Variants in SLC36A1 observed in about 807,000 individuals in gnomAD.
SLC36A1 encodes the protein proton-coupled amino acid transporter 1.
A neutral mutation model predicts 47.5 loss-of-function variants in SLC36A1; 30 were observed. The ratio of observed to expected loss-of-function variants is 0.63; its 90% CI spans 0.47 to 0.86. The LOEUF (loss-of-function observed/expected upper bound fraction) is 0.86. Among genes scored for constraint, SLC36A1 ranks in the 40% least tolerant of loss-of-function variants. The probability of loss-of-function intolerance (pLI) is 0.00; values close to 1 mark genes in which losing one functional copy is unlikely to be tolerated. For synonymous variants in SLC36A1, 255 were observed against 249.7 expected (o/e 1.02, Z -0.20); for missense variants, 517 against 606.0 (o/e 0.85, Z 1.54).
chr5:151,522,085 G>A, the SLC36A1 span: 19 of 1,578,706 alleles, frequency 1.2e-5, no homozygotes, highest in Middle Eastern at 6.0e-4. Flanking sequence ...ACTGTCTGAC[G>A]CCTGTGGGCA....
the SLC36A1 span, among the ~76,000 whole-genome samples, chr5:151,365,143 G>C: frequency 6.6e-6 from 1 of 152,084 alleles, no homozygotes; most frequent in African/African-American, 2.4e-5. Context: ...GGCAAAATCA[G>C]GGCACTGTTT....
At chr5:151,478,386 G>A (rs532542079) in intron 9 of SLC36A1, among the ~76,000 whole-genome samples, 2 of 152,280 alleles carry the variant, frequency 1.3e-5, no homozygotes, top group East Asian at 3.9e-4. Context: ...CAAGGCACTG[G>A]AGTAATAAAA....
the SLC36A1 span, among the ~76,000 whole-genome samples, chr5:151,497,390 T>C: frequency 1.3e-5 from 2 of 152,198 alleles, no homozygotes; most frequent in Non-Finnish European, 2.9e-5. Flanking sequence ...GTGGATTCCA[T>C]TGATTGATTT....
At chr5:151,455,000 G>T (rs1207890443) in intron 1 of SLC36A1, among the ~76,000 whole-genome samples, 1 of 152,056 alleles carries the variant, frequency 6.6e-6, no homozygotes, top group East Asian at 1.9e-4. Flanking sequence ...TACCCCTCTT[G>T]ATCCTAGTTC....
chr5:151,514,551 C>T, the SLC36A1 span, among the ~76,000 whole-genome samples: 5,308 of 152,300 alleles, frequency 0.035, 295 homozygotes, highest in African/African-American at 0.12. Flanking sequence ...GCTTTGCTCA[C>T]GAGCCTCTCT....
At chr5:151,375,141 T>C in the SLC36A1 span, among the ~76,000 whole-genome samples, 66 of 152,360 alleles carry the variant, frequency 4.3e-4, no homozygotes, top group African/African-American at 1.4e-3. Flanking sequence ...CCTAGTCTAA[T>C]GTCCAGAAGT....
At chr5:151,408,992 C>T in the SLC36A1 span, among the ~76,000 whole-genome samples, 4 of 140,400 alleles carry the variant, frequency 2.8e-5, no homozygotes, top group African/African-American at 5.4e-5. Flanking sequence ...CTTTTCTTTT[C>T]TTTCCTCTTT....
At chr5:151,519,121 A>C in the SLC36A1 span, among the ~76,000 whole-genome samples, 1 of 152,244 alleles carries the variant, frequency 6.6e-6, no homozygotes, top group Non-Finnish European at 1.5e-5. Context: ...AGACAGGCAG[A>C]TCACCTGAGG....
At position 151,467,842 on chromosome 5, in the gene SLC36A1, C is replaced by T. The variant is rs1012561541; in HGVS notation, c.640C>T (p.Leu214Phe). Residue 214 changes from leucine (L) to phenylalanine (F), a missense_variant, in exon 7 of 11, where the codon CTC becomes TTC. Physicochemically the swap from Leu to Phe is conservative, Grantham distance 22. Transcript: ENST00000243389. ...GGTGCTGCTGGTTTTCATCAGGAAC[C>T]TCCGAGCCCTGTCCATCTTCTCCCT... ...FLVLLVFIRN[L>F]RALSIFSLLA... The T allele has an allele frequency of 6.2e-7, 1 of 1,614,026 alleles. No homozygotes were observed. Among genetic ancestry groups the T allele is most frequent in the East Asian group, 2.2e-5 (1 of 44,848 alleles).
At chr5:151,353,131 CAT>C in the SLC36A1 span, among the ~76,000 whole-genome samples, 2 of 152,208 alleles carry the variant, frequency 1.3e-5, no homozygotes, top group Non-Finnish European at 2.9e-5. Context: ...TGGATGAAAA[CAT>C]ATGTGTTGAA....
the SLC36A1 span, among the ~76,000 whole-genome samples, chr5:151,501,800 C>A: frequency 6.7e-6 from 1 of 148,220 alleles, no homozygotes. Context: ...TGCTGGACAG[C>A]TGGACAGCCA....
chr5:151,523,655 A>C, the SLC36A1 span, among the ~76,000 whole-genome samples: 1 of 152,098 alleles, frequency 6.6e-6, no homozygotes, highest in African/African-American at 2.4e-5. Context: ...CTGAGAATAC[A>C]GAGGTCAGGA....
intron 9 of SLC36A1, chr5:151,477,498 A>G (rs1323796862): frequency 1.3e-5 from 2 of 152,468 alleles, no homozygotes; most frequent in Admixed American, 1.3e-4. Flanking sequence ...TTTCCCGTTC[A>G]AGTACGAACC....
chr5:151,479,872 C>T, intron 10 of SLC36A1: 3 of 519,430 alleles, frequency 5.8e-6, no homozygotes. Context: ...TTTGCTTTTT[C>T]AAATAGTTGT....
chr5:151,405,343 CTTTTTTTTTT>C, the SLC36A1 span, among the ~76,000 whole-genome samples: 74 of 85,278 alleles, frequency 8.7e-4, no homozygotes, highest in African/African-American at 3.4e-3. Context: ...CTCTCTTTCT[CTTTTTTTTTT>C]TTTTTTTTTT....
the SLC36A1 span, among the ~76,000 whole-genome samples, chr5:151,548,084 C>G: frequency 1.3e-5 from 2 of 152,090 alleles, no homozygotes; most frequent in African/African-American, 4.8e-5. Context: ...GCATTATAAT[C>G]CATATTCTTC....
chr5:151,403,466 C>T, the SLC36A1 span, among the ~76,000 whole-genome samples: 2 of 152,110 alleles, frequency 1.3e-5, no homozygotes, highest in African/African-American at 4.8e-5. Context: ...AAGCGTGTGG[C>T]ACCTCCCCCT....
At chr5:151,406,075 GTC>G in the SLC36A1 span, among the ~76,000 whole-genome samples, 1 of 152,192 alleles carries the variant, frequency 6.6e-6, no homozygotes, top group South Asian at 2.1e-4. Context: ...CCTTCAACAA[GTC>G]TCTTCCTGGG....
At chr5:151,535,178 A>G in the SLC36A1 span, among the ~76,000 whole-genome samples, 1 of 151,862 alleles carries the variant, frequency 6.6e-6, no homozygotes, top group Non-Finnish European at 1.5e-5. Flanking sequence ...TTATAAGTGT[A>G]TCTTGGTTTT....
Sources: gnomAD v4.1 joint callset for allele counts (sites outside exome capture counted in the v4.1 genomes callset) on GRCh38, gnomAD v4.1.1 for gene constraint, MANE v1.5 for transcripts, NCBI Gene and HGNC (gene_info 2026-07-23, HGNC 2026-07-21) for gene names.